The following B4GALT6 variants were observed in gnomAD, a reference collection of about 807,000 sequenced individuals.
The protein encoded by B4GALT6 is UDP-Gal:beta-GlcNAc beta-1,4-galactosyltransferase 6.
B4GALT6 carries 14 observed loss-of-function variants against 46.3 expected under a neutral mutation model. That is an observed-to-expected ratio of 0.30 (90% CI 0.20 to 0.47). The LOEUF (loss-of-function observed/expected upper bound fraction) is 0.47. B4GALT6 is among the 20% of genes least tolerant of loss of function. The pLI is 0.99. For missense variants in B4GALT6, 386 were observed against 480.1 expected (o/e 0.80, Z 1.83); for synonymous variants, 168 against 162.0 (o/e 1.04, Z -0.28).
At chr18:31,720,693 C>T in the B4GALT6 span, among the ~76,000 whole-genome samples, 1 of 152,314 alleles carries the variant, frequency 6.6e-6, no homozygotes, top group African/African-American at 2.4e-5. Context: ...TGTGAATTGG[C>T]ACGTGTGTCA....
the B4GALT6 span, among the ~76,000 whole-genome samples, chr18:31,692,261 C>T: frequency 1.3e-4 from 20 of 152,284 alleles, no homozygotes; most frequent in African/African-American, 4.8e-4. Flanking sequence ...TGTGACTACT[C>T]AGATTTAAGA....
the B4GALT6 span, among the ~76,000 whole-genome samples, chr18:31,717,895 G>A: frequency 4.7e-5 from 7 of 150,032 alleles, no homozygotes; most frequent in Non-Finnish European, 1.0e-4. Flanking sequence ...CGGAGGTTGT[G>A]GTGAGCCGAG....
intron 2 of B4GALT6, among the ~76,000 whole-genome samples, chr18:31,661,704 A>T (rs1345384775): frequency 6.6e-6 from 1 of 152,196 alleles, no homozygotes; most frequent in Non-Finnish European, 1.5e-5. Flanking sequence ...TGAGACAATA[A>T]ATAAGGTTGT....
At chr18:31,695,276 TCTC>T in the B4GALT6 span, among the ~76,000 whole-genome samples, 1 of 143,628 alleles carries the variant, frequency 7.0e-6, no homozygotes. Flanking sequence ...TTCTGCCACT[TCTC>T]CTCCCTGAAA....
intron 7 of B4GALT6, among the ~76,000 whole-genome samples, chr18:31,626,639 G>GT (rs2073702281): frequency 2.0e-5 from 3 of 152,098 alleles, no homozygotes; most frequent in Admixed American, 2.0e-4. Context: ...AAACCCTATT[G>GT]TAAACTGCAC....
the B4GALT6 span, chr18:31,724,299 C>A: frequency 2.1e-6 from 1 of 477,356 alleles, no homozygotes; most frequent in Non-Finnish European, 3.4e-6. Context: ...ACGGGCCCCT[C>A]CTCACATGGC....
At chr18:31,657,492 T>C (rs1023535231) in intron 3 of B4GALT6, among the ~76,000 whole-genome samples, 38 of 152,328 alleles carry the variant, frequency 2.5e-4, no homozygotes, top group African/African-American at 9.1e-4. Context: ...CATCTATCTA[T>C]GTAGAAAACA....
chr18:31,721,459 T>C, the B4GALT6 span, among the ~76,000 whole-genome samples: 292 of 152,260 alleles, frequency 1.9e-3, 7 homozygotes, highest in East Asian at 0.043. Context: ...AAATAAAAAC[T>C]TACAAAAAAA....
intron 2 of B4GALT6, among the ~76,000 whole-genome samples, chr18:31,659,705 G>A (rs1403897113): frequency 1.3e-5 from 2 of 152,104 alleles, no homozygotes; most frequent in African/African-American, 2.4e-5. Flanking sequence ...AAGCCCCAAT[G>A]AGACAATCCT....
intron 5 of B4GALT6, among the ~76,000 whole-genome samples, chr18:31,637,448 T>C (rs2073873953): frequency 6.6e-6 from 1 of 151,788 alleles, no homozygotes; most frequent in Non-Finnish European, 1.5e-5. Flanking sequence ...TTACCAACTG[T>C]AGAGCTGGGT....
intron 1 of B4GALT6, among the ~76,000 whole-genome samples, chr18:31,682,918 A>T (rs970917566): frequency 6.6e-6 from 1 of 152,152 alleles, no homozygotes; most frequent in African/African-American, 2.4e-5. Flanking sequence ...CAAATCCACT[A>T]AGCTACCACT....
the B4GALT6 span, among the ~76,000 whole-genome samples, chr18:31,699,990 C>A: frequency 6.6e-6 from 1 of 152,044 alleles, no homozygotes. Context: ...CCAGCAAAAT[C>A]AGATAGTGGG....
the B4GALT6 span, among the ~76,000 whole-genome samples, chr18:31,691,746 A>C: frequency 2.6e-5 from 4 of 152,282 alleles, no homozygotes; most frequent in South Asian, 8.3e-4. Flanking sequence ...GATTCAGGTA[A>C]ATTTGATAAA....
chr18:31,665,176 T>C (rs924149863), intron 2 of B4GALT6, among the ~76,000 whole-genome samples: 1 of 152,192 alleles, frequency 6.6e-6, no homozygotes, highest in Non-Finnish European at 1.5e-5. Flanking sequence ...GAAGAATTAC[T>C]AACACAAATT....
At position 31,622,867 on chromosome 18, in the gene B4GALT6, C is replaced by T. The variant is rs137938811; in HGVS notation, c.*2747G>A. ...TCTCCTTTTCTTCTCTACAGACAGG[C>T]CCATTAGTCATTACTTCTTTCTGTA... On this transcript the variant is annotated 3_prime_UTR_variant, in exon 9 of 9. Coordinates refer to ENST00000306851, the MANE Select transcript of B4GALT6 (RefSeq NM_004775.5). 1 of 152,020 alleles carries T rather than the reference C, an allele frequency of 6.6e-6. No homozygotes were observed. The highest frequency in any genetic ancestry group is 2.4e-5 in the African/African-American group (1 of 41,430). 9.4% of individuals were successfully genotyped at this position (152,020 alleles called of 1,614,324 possible).
intron 6 of B4GALT6, among the ~76,000 whole-genome samples, chr18:31,627,835 ATTGGCTTTCTGACAT>A (rs2073720861): frequency 6.6e-6 from 1 of 152,208 alleles, no homozygotes; most frequent in South Asian, 2.1e-4. Flanking sequence ...TTAGGTATAG[ATTGGCTTTCTGACAT>A]TTAGGCAGCA....
At chr18:31,654,757 C>T (rs1362104468) in intron 3 of B4GALT6, among the ~76,000 whole-genome samples, 2 of 152,134 alleles carry the variant, frequency 1.3e-5, no homozygotes, top group Non-Finnish European at 2.9e-5. Context: ...AGATCTAATT[C>T]TTACACAAAT....
chr18:31,705,626 G>A, the B4GALT6 span, among the ~76,000 whole-genome samples: 2 of 152,208 alleles, frequency 1.3e-5, no homozygotes, highest in Non-Finnish European at 2.9e-5. Flanking sequence ...GACCTCAGGT[G>A]ATCCATCCGC....
the B4GALT6 span, among the ~76,000 whole-genome samples, chr18:31,701,048 C>T: frequency 6.6e-6 from 1 of 152,132 alleles, no homozygotes; most frequent in African/African-American, 2.4e-5. Flanking sequence ...AGAATTAGAC[C>T]CAAATAAACA....
Sources: allele counts gnomAD v4.1 joint callset (sites outside exome capture counted in the v4.1 genomes callset), GRCh38; gene constraint gnomAD v4.1.1; transcripts MANE v1.5; gene names NCBI Gene and HGNC (gene_info 2026-07-23, HGNC 2026-07-21).